The following CPNE1 variants were observed in gnomAD, a reference collection of about 807,000 sequenced individuals.
CPNE1 encodes copine-1.
CPNE1 carries 58 observed loss-of-function variants against 63.2 expected under a neutral mutation model. That is an observed-to-expected ratio of 0.92 (90% confidence interval 0.74 to 1.14). The LOEUF is 1.14. Among genes scored for constraint, CPNE1 ranks in the 50% most tolerant of loss-of-function variants. The pLI, the probability that CPNE1 is intolerant of heterozygous loss-of-function variation, is 0.00. For missense variants in CPNE1, 672 were observed against 661.7 expected, an observed-to-expected ratio of 1.02 and a Z score of -0.17; for synonymous variants, 237 against 249.0, an observed-to-expected ratio of 0.95 and a Z score of 0.45.
chr20:35,646,352 T>C (rs2033099267), intron 1 of CPNE1, among the ~76,000 whole-genome samples: 1 of 150,746 alleles, frequency 6.6e-6, no homozygotes, highest in Admixed American at 6.6e-5. Context: ...ATGTGGTTGT[T>C]ATCATTTGAT....
chr20:35,664,697 G>A (rs1476978137), intron 1 of CPNE1, 63 bp downstream of exon 1: 1 of 152,366 alleles, frequency 6.6e-6, no homozygotes, highest in Non-Finnish European at 1.5e-5. Context: ...CCCGCCCCGG[G>A]CCACCAAGGG....
intron 1 of CPNE1, 113 bp from the exon 2 acceptor site, chr20:35,633,036 G>A (rs959663688): frequency 1.0e-4 from 74 of 740,056 alleles, no homozygotes; most frequent in East Asian, 9.2e-4. Flanking sequence ...CTGAGCATAC[G>A]TCCACCCCCG....
chr20:35,643,106 A>C (rs980685527), intron 1 of CPNE1: 6 of 152,908 alleles, frequency 3.9e-5, no homozygotes, highest in Admixed American at 2.6e-4. Flanking sequence ...AGAAGGAAAG[A>C]AGCAAACTGA....
chr20:35,653,024 G>A, intron 1 of CPNE1: 2 of 1,613,866 alleles, frequency 1.2e-6, no homozygotes, highest in Non-Finnish European at 1.7e-6. Context: ...GGAACATCCA[G>A]TCCTAGACCA....
chr20:35,647,871 G>C (rs1427760105), intron 1 of CPNE1, among the ~76,000 whole-genome samples: 1 of 148,722 alleles, frequency 6.7e-6, no homozygotes, highest in African/African-American at 2.5e-5. Flanking sequence ...TGGCCAACAT[G>C]GCAAAACCCC....
At position 35,631,472 on chromosome 20, in the gene CPNE1, CT is replaced by C; in HGVS notation, c.714+19del. 6.2e-7 allele frequency: 1 copy of C among 1,613,076 alleles called. No individual in the cohort carries two copies. Among genetic ancestry groups the C allele is most frequent in the Non-Finnish European group, 8.5e-7 (1 of 1,179,114 alleles). ...GCTATCTAGGCCCATTTCCACACCC[CT>C]GGCAAGACCAGCACTCACCGGGACT... On this transcript the variant is annotated intron_variant, in intron 8 of 15. Transcript: ENST00000397443.
chr20:35,658,256 T>C (rs999330967), intron 1 of CPNE1, among the ~76,000 whole-genome samples: 2 of 152,192 alleles, frequency 1.3e-5, no homozygotes, highest in Admixed American at 1.3e-4. Flanking sequence ...TGACCCATTA[T>C]CTATACTTAA....
intron 12 of CPNE1, 33 bp from the exon 13 acceptor site, chr20:35,630,523 C>T: frequency 6.2e-7 from 1 of 1,610,416 alleles, no homozygotes; most frequent in Non-Finnish European, 8.5e-7. Flanking sequence ...GGTTCTTTCC[C>T]CATGACCTCT....
intron 1 of CPNE1, among the ~76,000 whole-genome samples, chr20:35,646,926 G>C (rs1011397685): frequency 1.3e-5 from 2 of 152,104 alleles, no homozygotes; most frequent in Non-Finnish European, 2.9e-5. Flanking sequence ...GAACAACTGG[G>C]GAGCCAATTC....
intron 1 of CPNE1, among the ~76,000 whole-genome samples, chr20:35,642,608 G>T (rs2032877279): frequency 6.6e-6 from 1 of 152,198 alleles, no homozygotes; most frequent in Non-Finnish European, 1.5e-5. Flanking sequence ...AGGACATGGA[G>T]AAGGTAGACA....
At chr20:35,646,300 C>T (rs991785766) in intron 1 of CPNE1, among the ~76,000 whole-genome samples, 3 of 149,518 alleles carry the variant, frequency 2.0e-5, no homozygotes, top group African/African-American at 7.4e-5. Flanking sequence ...ACTATTTAAC[C>T]CTCTTAAATC....
intron 1 of CPNE1, chr20:35,653,120 G>C: frequency 6.2e-7 from 1 of 1,613,714 alleles, no homozygotes; most frequent in Non-Finnish European, 8.5e-7. Context: ...GGGATTGGTG[G>C]CCCAAAGGCA....
Position 35,626,718 on chromosome 20 carries a change from A to G in CPNE1, c.1322T>C (p.Leu441Pro), listed in dbSNP as rs1473836927. Residue 441 changes from leucine to proline, a missense_variant, in exon 15 of 16, where the codon CTG (leucine) becomes CCG (proline). Transcript: ENST00000397443. Reference sequence around the variant, plus strand: ...ACCCACAATGATCACTGACATGGGCAGGTTCGAGGCACGCACCACAGCCTC... The same window carrying G: ...ACCCACAATGATCACTGACATGGGCGGGTTCGAGGCACGCACCACAGCCTC... ...TREAVVRASN[L>P]PMSVIIVGVG... 1 of 1,614,198 alleles carries G rather than the reference A, an allele frequency of 6.2e-7. No individual in the cohort carries two copies. The highest frequency in any genetic ancestry group is 1.1e-5 in the South Asian group (1 of 91,086).
chr20:35,632,465 G>C (rs2032218650), intron 3 of CPNE1, 52 bp downstream of exon 3: 1 of 1,606,170 alleles, frequency 6.2e-7, no homozygotes. Flanking sequence ...AGGCAGGCTA[G>C]GTTGTCTCAC....
Position 35,638,548 on chromosome 20 carries a change from G to C in CPNE1, c.1-5625C>G, listed in dbSNP as rs1022451459. Among the ~76,000 whole-genome samples, 4 of 152,204 alleles carry C rather than the reference G, an allele frequency of 2.6e-5. 1 individual carries two copies. Among genetic ancestry groups the C allele is most frequent in the Non-Finnish European group, 5.9e-5 (4 of 68,036 alleles). ...GATATGGAACTCTCATATATTGTTA[G>C]TGAAAGCATTAAATGTACCACTTTG... On this transcript the variant is annotated intron_variant, in intron 1 of 15. Transcript: ENST00000397443.
chr20:35,647,777 G>A (rs988555150), intron 1 of CPNE1, among the ~76,000 whole-genome samples: 1 of 151,972 alleles, frequency 6.6e-6, no homozygotes, highest in South Asian at 2.1e-4. Context: ...TTTACCAGCT[G>A]GGCACGGTGG....
In CPNE1 at chr20:35,637,468, C is replaced by T. The variant is rs184328889; in HGVS notation, c.1-4545G>A. Among the ~76,000 whole-genome samples, 19 of 152,222 alleles carry T rather than the reference C, an allele frequency of 1.2e-4. No individual in the cohort carries two copies. In the South Asian group the frequency reaches 1.7e-3, roughly 13 times the overall value. ...TCCTGCCGCTCACTCACCCACCCACCGAACTAGTCATCCAAAGTTATTTCT... is the reference window on the plus strand; with the variant it reads ...TCCTGCCGCTCACTCACCCACCCACTGAACTAGTCATCCAAAGTTATTTCT... On this transcript the variant is annotated intron_variant, in intron 1 of 15. Transcript: ENST00000397443.
chr20:35,631,121 T>C lies in CPNE1; in HGVS notation c.854A>G (p.Asn285Ser), dbSNP rs1338315927. Residue 285 changes from asparagine to serine, a missense_variant, in exon 10 of 16, where the codon AAC becomes AGC. Coordinates refer to ENST00000397443, the MANE Select transcript of CPNE1 (RefSeq NM_152925.3). ...CTTGGTAAAGTAACTTACAGTGAAG[T>C]TGATCTGACAGCCTCCCATCACATA... is the stretch of plus-strand genomic sequence containing the variant. Reference protein sequence around the residue: ...LDYVMGGCQINFTVGVDFTGS... With the variant: ...LDYVMGGCQISFTVGVDFTGS... The C allele has an allele frequency of 2.5e-6, 4 of 1,614,130 alleles. No homozygotes were observed. Among genetic ancestry groups the C allele is most frequent in the Non-Finnish European group, 3.4e-6 (4 of 1,180,014 alleles).
intron 1 of CPNE1, among the ~76,000 whole-genome samples, chr20:35,657,808 C>G (rs949426400): frequency 2.6e-5 from 4 of 152,096 alleles, no homozygotes; most frequent in Non-Finnish European, 4.4e-5. Flanking sequence ...CACCTGTAAC[C>G]CCAGCACTTT....
Sources: allele counts gnomAD v4.1 joint callset (sites outside exome capture counted in the v4.1 genomes callset), GRCh38; gene constraint gnomAD v4.1.1; transcripts MANE v1.5; gene names NCBI Gene and HGNC (gene_info 2026-07-23, HGNC 2026-07-21).